HPCAL1: variants seen among roughly 807,000 people sequenced by gnomAD.
The protein encoded by HPCAL1 is hippocalcin-like protein 1.
A neutral mutation model predicts 17.1 loss-of-function variants in HPCAL1; 8 were observed. The ratio of observed to expected loss-of-function variants is 0.47; its 90% CI spans 0.27 to 0.84. The LOEUF is 0.84. Ranked by LOEUF, HPCAL1 falls within the 40% of genes least tolerant of loss-of-function variation. The probability of loss-of-function intolerance (pLI) is 0.13; values close to 1 mark genes in which losing one functional copy is unlikely to be tolerated. For synonymous variants in HPCAL1, 112 were observed against 111.4 expected (o/e 1.01, Z -0.03); for missense variants, 165 against 271.1 (o/e 0.61, Z 2.75).
chr2:10,355,978 G>A lies in HPCAL1; in HGVS notation c.-110-40857G>A, dbSNP rs113607634. Among the ~76,000 whole-genome samples, 1,149 of 152,242 alleles carry A rather than the reference G, an allele frequency of 7.5e-3. 19 individuals are homozygous for A. The highest frequency in any genetic ancestry group is 0.024 in the African/African-American group (1,006 of 41,528). On this transcript the variant is annotated intron_variant, in intron 1 of 4. Transcript: ENST00000307845. ...AGAGTGCATTCTCTTCCCCAGGAAC[G>A]CTAGTCACAGCTCAGTAATTCACCC...
At chr2:10,319,476 G>A (rs1663531388) in intron 1 of HPCAL1, among the ~76,000 whole-genome samples, 1 of 151,744 alleles carries the variant, frequency 6.6e-6, no homozygotes, top group Non-Finnish European at 1.5e-5. Context: ...AGACAGCCAG[G>A]CATGGCTCAA....
At chr2:10,405,275 C>A (rs1227823500) in intron 2 of HPCAL1, among the ~76,000 whole-genome samples, 3 of 152,234 alleles carry the variant, frequency 2.0e-5, no homozygotes, top group African/African-American at 7.2e-5. Flanking sequence ...TGACTGCAGG[C>A]CCCTGAAGCT....
chr2:10,393,813 C>A (rs186015277), intron 1 of HPCAL1, among the ~76,000 whole-genome samples: 2 of 152,058 alleles, frequency 1.3e-5, no homozygotes, highest in Non-Finnish European at 2.9e-5. Flanking sequence ...ATTCCATGGC[C>A]TTTTAAAAAT....
intron 2 of HPCAL1, among the ~76,000 whole-genome samples, chr2:10,408,236 G>A (rs1420019073): frequency 6.6e-6 from 1 of 151,850 alleles, no homozygotes; most frequent in Non-Finnish European, 1.5e-5. Context: ...GATTGGTAGA[G>A]GAAGGGGATT....
chr2:10,374,811 T>G (rs1667446919), intron 1 of HPCAL1, among the ~76,000 whole-genome samples: 1 of 152,218 alleles, frequency 6.6e-6, no homozygotes, highest in South Asian at 2.1e-4. Context: ...CTTATCCTTT[T>G]TGTTGATTGT....
chr2:10,405,778 G>C (rs1390525298), intron 2 of HPCAL1, among the ~76,000 whole-genome samples: 2 of 152,198 alleles, frequency 1.3e-5, no homozygotes, highest in Non-Finnish European at 2.9e-5. Flanking sequence ...TGCCAGCTCT[G>C]GCTGACTGCA....
intron 2 of HPCAL1, among the ~76,000 whole-genome samples, chr2:10,415,333 T>G (rs960054463): frequency 2.6e-5 from 4 of 152,174 alleles, no homozygotes; most frequent in African/African-American, 9.7e-5. Flanking sequence ...GGTCATTCCC[T>G]ACTCCACAGC....
intron 1 of HPCAL1, among the ~76,000 whole-genome samples, chr2:10,390,485 C>G (rs891148793): frequency 2.0e-5 from 3 of 152,134 alleles, no homozygotes; most frequent in African/African-American, 7.2e-5. Flanking sequence ...TAATCCAAAA[C>G]CATCCATCTT....
Position 10,359,072 on chromosome 2 carries a change from C to T in HPCAL1, c.-110-37763C>T, listed in dbSNP as rs969891280. On this transcript the variant is annotated intron_variant, in intron 1 of 4. Coordinates refer to ENST00000307845, the MANE Select transcript of HPCAL1 (RefSeq NM_002149.4). This position sits in a 1 kb window ranked among gnomAD's most constrained non-coding sequence, Gnocchi z 4.1. Reference sequence around the variant, plus strand: ...TGCATGCTCCCCTCGAGGTTTGACCCGTCTGCATGCTCCCCTAGAGGTTTG... The same window carrying T: ...TGCATGCTCCCCTCGAGGTTTGACCTGTCTGCATGCTCCCCTAGAGGTTTG... Among the ~76,000 whole-genome samples the T allele has an allele frequency of 6.7e-6, 1 of 149,638 alleles. No individual in the cohort carries two copies.
intron 2 of HPCAL1, among the ~76,000 whole-genome samples, chr2:10,417,751 A>G (rs1162289802): frequency 6.6e-6 from 1 of 152,160 alleles, no homozygotes; most frequent in Admixed American, 6.6e-5. Context: ...TCATAAAGAT[A>G]AGTAAAAACA....
rs116116221 is a variant in HPCAL1, at chr2:10,342,701, C to T, written c.-111+39524C>T. On this transcript the variant is annotated intron_variant, in intron 1 of 4. Coordinates refer to ENST00000307845, the MANE Select transcript of HPCAL1 (RefSeq NM_002149.4). This position sits in a 1 kb window ranked among gnomAD's most constrained non-coding sequence, Gnocchi z 4.1. ...CCCTCTCATGACTCTCATTCTTTCT[C>T]GTTGAGTTTTGTTTTGTCACCCAGC... 5.4e-3 allele frequency among the ~76,000 whole-genome samples: 824 copies of T among 152,308 alleles called. 6 individuals are homozygous for T. Among genetic ancestry groups the T allele is most frequent in the Admixed American group, 0.01 (158 of 15,306 alleles).
intron 1 of HPCAL1, among the ~76,000 whole-genome samples, chr2:10,361,916 C>G (rs1666551065): frequency 6.6e-6 from 1 of 152,168 alleles, no homozygotes; most frequent in Non-Finnish European, 1.5e-5. Context: ...GGTGTTTCAT[C>G]ATGTTGGCCT....
intron 1 of HPCAL1, among the ~76,000 whole-genome samples, chr2:10,390,186 T>C (rs1022148750): frequency 1.3e-5 from 2 of 152,204 alleles, no homozygotes; most frequent in African/African-American, 4.8e-5. Flanking sequence ...TTCCAGACCT[T>C]CACCTGTGTG....
intron 1 of HPCAL1, among the ~76,000 whole-genome samples, chr2:10,306,699 C>T (rs962287009): frequency 2.6e-5 from 4 of 152,130 alleles, no homozygotes; most frequent in Non-Finnish European, 5.9e-5. Flanking sequence ...GTAATCAATA[C>T]GGTTTGACAG....
intron 1 of HPCAL1, among the ~76,000 whole-genome samples, chr2:10,312,313 TCATCATCATATCATCATCA>T (rs1425295243): frequency 2.9e-4 from 4 of 13,734 alleles, no homozygotes; most frequent in Admixed American, 2.4e-3. Context: ...ACCATCATCA[TCATCATCATATCATCATCA>T]TCATCATCAT....
intron 1 of HPCAL1, among the ~76,000 whole-genome samples, chr2:10,338,721 G>T (rs866743054): frequency 6.6e-6 from 1 of 152,190 alleles, no homozygotes; most frequent in Non-Finnish European, 1.5e-5. Context: ...GTGCAGGTCG[G>T]AGAGCTCACC....
rs573454785 is a variant in HPCAL1, at chr2:10,424,776, C to G, written c.484+1688C>G. 1.3e-3 allele frequency: 526 copies of G among 392,914 alleles called. 2 individuals carry two copies. Among genetic ancestry groups the G allele is most frequent in the Middle Eastern group, 3.5e-3 (4 of 1,128 alleles). The allele number at this position is 392,914 out of a possible 1,614,324, so 24.3% of individuals were successfully genotyped here. A position where few individuals can be genotyped will look rare whatever the true frequency, so the allele number is the denominator to read the frequency against. On this transcript the variant is annotated intron_variant, in intron 4 of 4. Coordinates refer to ENST00000307845, the MANE Select transcript of HPCAL1 (RefSeq NM_002149.4). Reference sequence around the variant, plus strand: ...CTGCAGCCAGGGGCCAGAGTCAGTTCAGGGAGTGGTCCTCGGCCCTCAAAG... The same window carrying G: ...CTGCAGCCAGGGGCCAGAGTCAGTTGAGGGAGTGGTCCTCGGCCCTCAAAG...
chr2:10,314,219 G>A (rs1195451279), intron 1 of HPCAL1, among the ~76,000 whole-genome samples: 1 of 149,802 alleles, frequency 6.7e-6, no homozygotes, highest in East Asian at 1.9e-4. Flanking sequence ...TTAAGAGGCA[G>A]CATTATGATT....
intron 1 of HPCAL1, among the ~76,000 whole-genome samples, chr2:10,317,607 G>A (rs1215136418): frequency 2.6e-5 from 4 of 152,040 alleles, no homozygotes; most frequent in East Asian, 3.9e-4. Context: ...TAGCAGAGAC[G>A]GGGTTTCACC....
Sources: allele counts gnomAD v4.1 joint callset (sites outside exome capture counted in the v4.1 genomes callset), GRCh38; gene constraint gnomAD v4.1.1; non-coding constraint Gnocchi (gnomAD v3.1); transcripts MANE v1.5; gene names NCBI Gene and HGNC (gene_info 2026-07-23, HGNC 2026-07-21).